The following UGT1A8 variants were observed in gnomAD, a reference collection of about 807,000 sequenced individuals.
UGT1A8 encodes the protein UDP glucuronosyltransferase family 1 member A8, also known as UDP-glucuronosyltransferase 1A8.
UGT1A8 carries 39 observed loss-of-function variants against 45.3 expected under a neutral mutation model. The ratio of observed to expected loss-of-function variants is 0.86; its 90% CI spans 0.67 to 1.12. The LOEUF is 1.12. Among genes scored for constraint, UGT1A8 ranks in the 50% most tolerant of loss-of-function variants. The probability of loss-of-function intolerance (pLI) is 0.00; values close to 1 mark genes in which losing one functional copy is unlikely to be tolerated. For missense variants in UGT1A8, 719 were observed against 664.9 expected (o/e 1.08, Z -0.90); for synonymous variants, 275 against 249.2 (o/e 1.10, Z -0.97).
intron 1 of UGT1A8, among the ~76,000 whole-genome samples, chr2:233,638,035 C>T (rs1002117684): frequency 2.0e-5 from 3 of 152,068 alleles, no homozygotes; most frequent in African/African-American, 7.2e-5. Context: ...CTCTTCAATA[C>T]TTTCCTTGCG....
intron 1 of UGT1A8, chr2:233,636,446 T>A: frequency 2.0e-6 from 3 of 1,534,738 alleles, no homozygotes; most frequent in Non-Finnish European, 2.6e-6. Context: ...GGGTCAGGTT[T>A]TGTGCCTGTA....
chr2:233,737,246 C>T (rs535872842), intron 1 of UGT1A8, among the ~76,000 whole-genome samples: 57 of 152,356 alleles, frequency 3.7e-4, no homozygotes, highest in African/African-American at 1.3e-3. Flanking sequence ...TGTTTACCTA[C>T]TCAAGCCTCA....
chr2:233,653,596 TG>T (rs1295047167), intron 1 of UGT1A8, among the ~76,000 whole-genome samples: 2 of 152,224 alleles, frequency 1.3e-5, no homozygotes, highest in African/African-American at 4.8e-5. Flanking sequence ...TGAGAAATTT[TG>T]TTTTGTTTTG....
At chr2:233,656,309 G>C (rs1390650139) in intron 1 of UGT1A8, among the ~76,000 whole-genome samples, 2 of 152,186 alleles carry the variant, frequency 1.3e-5, no homozygotes, top group Admixed American at 1.3e-4. Flanking sequence ...CCGTAAACTG[G>C]CCAGAACCAG....
chr2:233,682,819 A>G (rs773096125), intron 1 of UGT1A8: 27 of 1,578,360 alleles, frequency 1.7e-5, no homozygotes, highest in African/African-American at 4.1e-5. Flanking sequence ...TTAGCACATT[A>G]AGAATAATCT....
intron 1 of UGT1A8, chr2:233,717,996 A>G (rs2076620748): frequency 2.4e-6 from 1 of 421,104 alleles, no homozygotes; most frequent in Non-Finnish European, 4.8e-6. Context: ...AGACTGTGCA[A>G]GATCTGAGGC....
At chr2:233,629,079 C>T (rs932070407) in intron 1 of UGT1A8, among the ~76,000 whole-genome samples, 1 of 152,060 alleles carries the variant, frequency 6.6e-6, no homozygotes, top group Non-Finnish European at 1.5e-5. Flanking sequence ...CTTCATCTTC[C>T]CAAACTGAAA....
At chr2:233,724,359 C>G (rs1387977005) in intron 1 of UGT1A8, among the ~76,000 whole-genome samples, 2 of 146,918 alleles carry the variant, frequency 1.4e-5, no homozygotes, top group South Asian at 4.6e-4. Flanking sequence ...ACCTCCCTCC[C>G]GGACGGGGTG....
At chr2:233,681,786 A>C in intron 1 of UGT1A8, 1 of 1,449,466 alleles carries the variant, frequency 6.9e-7, no homozygotes, top group Non-Finnish European at 9.1e-7. Context: ...TATTATTATG[A>C]GTAAATCATT....
At chr2:233,721,187 A>G (rs1363550880) in intron 1 of UGT1A8, among the ~76,000 whole-genome samples, 3 of 152,172 alleles carry the variant, frequency 2.0e-5, no homozygotes, top group Admixed American at 1.3e-4. Flanking sequence ...AAACCACAAG[A>G]TATTTGTTCT....
At chr2:233,631,190 A>G (rs111401643) in intron 1 of UGT1A8, among the ~76,000 whole-genome samples, 1 of 152,190 alleles carries the variant, frequency 6.6e-6, no homozygotes, top group Non-Finnish European at 1.5e-5. Context: ...TAATGGCTGC[A>G]TAGTATTCCA....
At chr2:233,679,297 C>T (rs2074448168) in intron 1 of UGT1A8, among the ~76,000 whole-genome samples, 1 of 152,168 alleles carries the variant, frequency 6.6e-6, no homozygotes, top group Admixed American at 6.5e-5. Flanking sequence ...ACGGACAAAG[C>T]CTTGATGGAA....
chr2:233,683,888 A>C (rs1489216794), intron 1 of UGT1A8, among the ~76,000 whole-genome samples: 1 of 152,158 alleles, frequency 6.6e-6, no homozygotes, highest in African/African-American at 2.4e-5. Context: ...CCTGGTATTT[A>C]TACCTCTTAT....
chr2:233,713,112 T>A, intron 1 of UGT1A8: 3 of 1,614,212 alleles, frequency 1.9e-6, no homozygotes, highest in Non-Finnish European at 2.5e-6. Flanking sequence ...TGGCAGCCAC[T>A]GGCTCAGCAT....
intron 1 of UGT1A8, chr2:233,756,198 G>A (rs1023408746): frequency 6.6e-6 from 1 of 152,220 alleles, no homozygotes; most frequent in African/African-American, 2.4e-5. Context: ...TAGCAGAGTA[G>A]TCCCTGGTAT....
Position 233,704,349 on chromosome 2 carries a change from C to A in UGT1A8, c.856-62685C>A, listed in dbSNP as rs185634729. Among the ~76,000 whole-genome samples, 184 of 135,628 alleles carry A rather than the reference C, an allele frequency of 1.4e-3. 1 individual carries two copies. The highest frequency in any genetic ancestry group is 4.9e-3 in the African/African-American group (171 of 34,948). The allele number at this position is 135,628 out of a possible 152,430, so 89.0% of individuals were successfully genotyped here. ...TTTCCACTATTTAAAAAGTTGTGTT[C>A]TGAGCGGTTGTTCTAGGGCTTAGCA... On this transcript the variant is annotated intron_variant, in intron 1 of 4. Coordinates refer to ENST00000373450, the MANE Select transcript of UGT1A8 (RefSeq NM_019076.5).
Position 233,772,498 on chromosome 2 carries a change from A to C in UGT1A8, c.1532A>C (p.Tyr511Ser). The change falls in exon 5 of 5, where the codon TAC (tyrosine) becomes TCC (serine). Residue 511 changes from tyrosine to serine, a missense_variant. Physicochemically the swap from Tyr to Ser is moderately radical, Grantham distance 144 (BLOSUM62 -2). Coordinates refer to ENST00000373450, the MANE Select transcript of UGT1A8 (RefSeq NM_019076.5). ...FITFKCCAYG[Y>S]RKCLGKKGRV... is the part of the protein sequence containing the mutation. ...ACCTTTAAATGTTGTGCTTATGGCTACCGGAAATGCTTGGGGAAAAAAGGG... is the reference window on the plus strand; with the variant it reads ...ACCTTTAAATGTTGTGCTTATGGCTCCCGGAAATGCTTGGGGAAAAAAGGG... 1.2e-6 allele frequency: 2 copies of C among 1,614,186 alleles called. No individual in the cohort carries two copies. The highest frequency in any genetic ancestry group is 2.2e-5 in the South Asian group (2 of 91,082).
At chr2:233,636,171 A>G (rs556481688) in intron 1 of UGT1A8, among the ~76,000 whole-genome samples, 1 of 151,014 alleles carries the variant, frequency 6.6e-6, no homozygotes, top group Non-Finnish European at 1.5e-5. Context: ...AAATTCCAAA[A>G]ATATTAGCAT....
chr2:233,772,721 A>G lies in UGT1A8; in HGVS notation c.*162A>G, dbSNP rs1307369412. On this transcript the variant is annotated 3_prime_UTR_variant, in exon 5 of 5. Coordinates refer to ENST00000373450, the MANE Select transcript of UGT1A8 (RefSeq NM_019076.5). ...TAAAAAATTCTCTTAAATAAAAATA[A>G]TAGACTCGCTAGTCAGTAAAGATAT... 4.1e-6 allele frequency: 6 copies of G among 1,458,094 alleles called. No individual in the cohort carries two copies. Among genetic ancestry groups the G allele is most frequent in the Non-Finnish European group, 5.4e-6 (6 of 1,108,844 alleles). The allele number at this position is 1,458,094 out of a possible 1,614,324, so 90.3% of individuals were successfully genotyped here.
Sources: allele counts gnomAD v4.1 joint callset (sites outside exome capture counted in the v4.1 genomes callset), GRCh38; gene constraint gnomAD v4.1.1; transcripts MANE v1.5; gene names NCBI Gene and HGNC (gene_info 2026-07-23, HGNC 2026-07-21).